ABCD4: variants seen among roughly 807,000 people sequenced by gnomAD.
The protein encoded by ABCD4 is lysosomal cobalamin transporter ABCD4.
In ABCD4, 53 loss-of-function variants were observed where a neutral mutation model predicts 86.3. The ratio of observed to expected loss-of-function variants is 0.61; its 90% CI spans 0.49 to 0.77. The LOEUF (loss-of-function observed/expected upper bound fraction) is 0.77. Among genes scored for constraint, ABCD4 ranks in the 30% least tolerant of loss-of-function variants. The pLI is 0.00. For synonymous variants in ABCD4, 328 were observed against 313.6 expected (o/e 1.05, Z -0.49); for missense variants, 757 against 764.5 (o/e 0.99, Z 0.12).
At chr14:74,302,549 G>T (rs1301466219) in intron 1 of ABCD4, among the ~76,000 whole-genome samples, 2 of 152,216 alleles carry the variant, frequency 1.3e-5, no homozygotes, top group Non-Finnish European at 2.9e-5. Context: ...GGCCCACAGG[G>T]TGTCAAGAAC....
intron 8 of ABCD4, 41 bp downstream of exon 8, chr14:74,293,113 C>T: frequency 6.3e-7 from 1 of 1,596,220 alleles, no homozygotes; most frequent in South Asian, 1.1e-5. Context: ...GCAGACCAGT[C>T]CAACCCCATG....
In ABCD4 at chr14:74,290,131, C is replaced by A; in HGVS notation, c.1328-13G>T. The A allele has an allele frequency of 1.2e-6, 2 of 1,614,158 alleles. No homozygotes were observed. Among genetic ancestry groups the A allele is most frequent in the Non-Finnish European group, 1.7e-6 (2 of 1,180,006 alleles). ...ATCTGCACTGAGCCTGCAGAGCCCA[C>A]AGAAACCTCCATTGTGAGATCTCCC... is the stretch of plus-strand genomic sequence containing the variant. On this transcript the variant is annotated splice_polypyrimidine_tract_variant and intron_variant, in intron 12 of 18. Transcript: ENST00000356924.
At position 74,286,154 on chromosome 14, in the gene ABCD4, T is replaced by A. The variant is rs2079693046; in HGVS notation, c.*307A>T. On this transcript the variant is annotated 3_prime_UTR_variant, in exon 19 of 19. Transcript: ENST00000356924. ...TTTCATTTCTTACAGATCTCACACTTCCAGATTTCTCTTTAGCAAACATGA... is the reference window on the plus strand; with the variant it reads ...TTTCATTTCTTACAGATCTCACACTACCAGATTTCTCTTTAGCAAACATGA... 1 of 264,320 alleles carries A rather than the reference T, an allele frequency of 3.8e-6. No homozygotes were observed. Among genetic ancestry groups the A allele is most frequent in the Non-Finnish European group, 7.1e-6 (1 of 139,916 alleles). 16.4% of individuals were successfully genotyped at this position (264,320 alleles called of 1,614,324 possible).
At chr14:74,290,560 A>G in intron 11 of ABCD4, 61 bp from the exon 12 acceptor site, 1 of 1,326,238 alleles carries the variant, frequency 7.5e-7, no homozygotes. Context: ...GCTGTGGGGG[A>G]GGCACTGCTC....
At chr14:74,291,182 A>C (rs2081390765) in intron 11 of ABCD4, among the ~76,000 whole-genome samples, 1 of 152,232 alleles carries the variant, frequency 6.6e-6, no homozygotes. Context: ...ATCGTGGACC[A>C]TAAGCATCCA....
At position 74,286,717 on chromosome 14, in the gene ABCD4, C is replaced by G; in HGVS notation, c.1736G>C (p.Arg579Pro). Residue 579 changes from arginine (R) to proline (P), a missense_variant, in exon 18 of 19, where the codon CGG becomes CCG. Transcript: ENST00000356924. ...LGMTFISVGH[R>P]QSLEKFHSLV... is the part of the protein sequence containing the mutation. Reference sequence around the variant, plus strand: ...CACGGGTACCTTCTCAAGGCTCTGCCGATGTCCCACACTGATGAACGTCAT... The same window carrying G: ...CACGGGTACCTTCTCAAGGCTCTGCGGATGTCCCACACTGATGAACGTCAT... 1 of 1,614,082 alleles carries G rather than the reference C, an allele frequency of 6.2e-7. No homozygotes were observed. The highest frequency in any genetic ancestry group is 8.5e-7 in the Non-Finnish European group (1 of 1,180,032).
In ABCD4 at chr14:74,287,921, G is replaced by T. The variant is rs1566919088; in HGVS notation, c.1560-35C>A. On this transcript the variant is annotated intron_variant, in intron 16 of 18. Transcript: ENST00000356924. ...GGTAGGAGAGAGGACTGCTAGAGGA[G>T]GAAGAATATAGCTTGGCTTTTACCT... The T allele has an allele frequency of 3.2e-6, 5 of 1,572,512 alleles. No individual in the cohort carries two copies. The East Asian group carries it at 1.1e-4, about 36-fold the overall frequency.
Position 74,299,668 on chromosome 14 carries a change from A to T in ABCD4, c.165T>A (p.Phe55Leu). Residue 55 changes from phenylalanine to leucine, a missense_variant, in exon 3 of 19, where the codon TTT becomes TTA. Physicochemically the swap from Phe to Leu is conservative, Grantham distance 22. Transcript: ENST00000356924. Reference protein sequence around the residue: ...TLLCLTLLEQFVIYQVGLIPS... With the variant: ...TLLCLTLLEQLVIYQVGLIPS... ...GGATCAAGCCAACCTGGTAGATCAC[A>T]AATTGCTCTGAAAGGAGGGAGAGGA... 6.2e-7 allele frequency: 1 copy of T among 1,612,528 alleles called. No homozygotes were observed. Among genetic ancestry groups the T allele is most frequent in the Non-Finnish European group, 8.5e-7 (1 of 1,179,198 alleles).
At chr14:74,289,706 G>A in intron 13 of ABCD4, 187 bp from the exon 14 acceptor site, 1 of 1,441,848 alleles carries the variant, frequency 6.9e-7, no homozygotes, top group Non-Finnish European at 9.1e-7. Context: ...ACCTTCAGAA[G>A]TGTGTTTAGG....
chr14:74,292,239 T>C (rs1457624868), intron 11 of ABCD4, 48 bp downstream of exon 11: 1 of 1,588,126 alleles, frequency 6.3e-7, no homozygotes. Context: ...AGCCAGGTGA[T>C]GCCACAGCCT....
Position 74,290,016 on chromosome 14 carries a change from A to C in ABCD4, c.1419+11T>G. ...GAGGAGGGAGGAGTGAGCCCCCTGA[A>C]CTAGACTGACCTGCTCCCGAAGGGT... On this transcript the variant is annotated intron_variant, in intron 13 of 18. Transcript: ENST00000356924. 1 of 1,614,064 alleles carries C rather than the reference A, an allele frequency of 6.2e-7. No individual in the cohort carries two copies. Among genetic ancestry groups the C allele is most frequent in the Non-Finnish European group, 8.5e-7 (1 of 1,180,000 alleles).
intron 11 of ABCD4, among the ~76,000 whole-genome samples, chr14:74,291,592 C>A (rs866211280): frequency 7.2e-5 from 11 of 152,232 alleles, no homozygotes; most frequent in Admixed American, 2.6e-4. Context: ...CCTACAGACC[C>A]TCCTTCATGC....
Position 74,295,955 on chromosome 14 carries a change from G to A in ABCD4, c.567C>T (p.Ser189=), listed in dbSNP as rs1348745488. 2 of 1,611,724 alleles carry A rather than the reference G, an allele frequency of 1.2e-6. No homozygotes were observed. The change falls in exon 6 of 19, where the codon AGC becomes AGT. Residue 189 remains serine, a synonymous_variant. Coordinates refer to ENST00000356924, the MANE Select transcript of ABCD4 (RefSeq NM_005050.4). ...TCCCCAGGATGAAATACCCGAAGAT[G>A]CTCACAGGCCCGAGCCAGCCTGTGC... is the stretch of plus-strand genomic sequence containing the variant. ...FQSTGWLGPV[S]IFGYFILGTV...
At position 74,295,880 on chromosome 14, in the gene ABCD4, A is replaced by T. The variant is rs1369048986; in HGVS notation, c.642T>A (p.His214Gln). The change falls in exon 6 of 19, where the codon CAT becomes CAA. Residue 214 changes from histidine to glutamine, a missense_variant. His to Gln is a conservative substitution (Grantham distance 24). Transcript: ENST00000356924. The stretch of plus-strand genomic sequence containing the variant: ...TAAAATCTCCCTCCAGCTTCTCCTG[A>T]TGCACCAGCTTCATCACAATGGGGC... The part of the protein sequence containing the change: ...LMGPIVMKLV[H>Q]QEKLEGDFRF... The T allele has an allele frequency of 4.3e-6, 7 of 1,613,364 alleles. No homozygotes were observed. Among genetic ancestry groups the T allele is most frequent in the Non-Finnish European group, 5.9e-6 (7 of 1,179,834 alleles).
At chr14:74,296,066 C>A (rs1367018377) in intron 5 of ABCD4, 87 bp from the exon 6 acceptor site, 2 of 1,504,216 alleles carry the variant, frequency 1.3e-6, no homozygotes, top group African/African-American at 1.4e-5. Context: ...TGTTCCCTCT[C>A]AGGTAGCCCC....
chr14:74,291,177 G>T (rs769819777), intron 11 of ABCD4, among the ~76,000 whole-genome samples: 6 of 152,172 alleles, frequency 3.9e-5, no homozygotes, highest in African/African-American at 7.2e-5. Context: ...ACTTGATCGT[G>T]GACCATAAGC....
At chr14:74,291,025 C>A (rs1009021581) in intron 11 of ABCD4, among the ~76,000 whole-genome samples, 1 of 152,000 alleles carries the variant, frequency 6.6e-6, no homozygotes, top group East Asian at 1.9e-4. Flanking sequence ...TGGGGTGGGA[C>A]CCTAATCCAA....
Position 74,295,183 on chromosome 14 carries a change from C to T in ABCD4, c.684G>A (p.Gln228=). 6.2e-7 allele frequency: 1 copy of T among 1,614,244 alleles called. No individual in the cohort carries two copies. Among genetic ancestry groups the T allele is most frequent in the South Asian group, 1.1e-5 (1 of 91,084 alleles). The change falls in exon 7 of 19, where the codon CAG becomes CAA. Residue 228 remains glutamine, a synonymous_variant. Transcript: ENST00000356924. The part of the protein sequence containing the change: ...LEGDFRFKHM[Q]IRVNAEPAAF... ...CAGCAGGCTCCGCATTCACCCGAAT[C>T]TGCATGTGCTTGAACCTGGGCGGAC... is the stretch of plus-strand genomic sequence containing the variant.
At chr14:74,298,152 C>T (rs1255936541) in intron 3 of ABCD4, 83 bp from the exon 4 acceptor site, 15 of 1,547,488 alleles carry the variant, frequency 9.7e-6, no homozygotes, top group African/African-American at 1.4e-5. Flanking sequence ...CAAGAGCCTC[C>T]GCTGACCCAT....
Sources: allele counts gnomAD v4.1 joint callset (sites outside exome capture counted in the v4.1 genomes callset), GRCh38; gene constraint gnomAD v4.1.1; transcripts MANE v1.5; gene names NCBI Gene and HGNC (gene_info 2026-07-23, HGNC 2026-07-21).